Variants in CORO2A observed in about 807,000 individuals in gnomAD.
CORO2A encodes the protein coronin-2A.
Under a neutral mutation model 62.4 loss-of-function variants are expected in CORO2A, and 47 were observed. That is an observed-to-expected ratio of 0.75 (90% CI 0.60 to 0.96). The LOEUF (loss-of-function observed/expected upper bound fraction) is 0.96. CORO2A is among the 40% of genes least tolerant of loss of function. The probability of loss-of-function intolerance (pLI) is 0.00; values close to 1 mark genes in which losing one functional copy is unlikely to be tolerated. For missense variants in CORO2A, 610 were observed against 684.1 expected (o/e 0.89, Z 1.21); for synonymous variants, 273 against 268.9 (o/e 1.02, Z -0.15).
At chr9:98,126,114 C>T (rs565704592) in intron 11 of CORO2A, among the ~76,000 whole-genome samples, 5 of 150,008 alleles carry the variant, frequency 3.3e-5, no homozygotes, top group South Asian at 2.1e-4. Context: ...TGGCTCACTG[C>T]AACCTCCACC....
chr9:98,128,530 G>A, intron 9 of CORO2A, 77 bp downstream of exon 9: 1 of 1,322,810 alleles, frequency 7.6e-7, no homozygotes, highest in South Asian at 1.2e-5. Context: ...CCAGGCTCTG[G>A]TGCCCGACAG....
chr9:98,166,343 A>C (rs1041115473), intron 1 of CORO2A, among the ~76,000 whole-genome samples: 1 of 152,222 alleles, frequency 6.6e-6, no homozygotes, highest in African/African-American at 2.4e-5. Flanking sequence ...AACAGGCAAC[A>C]AAAGAAAAAA....
intron 2 of CORO2A, among the ~76,000 whole-genome samples, chr9:98,153,649 AACACACACAC>A (rs55685018): frequency 3.1e-4 from 42 of 133,970 alleles, no homozygotes; most frequent in East Asian, 1.3e-3. Context: ...TCTGTTTCCA[AACACACACAC>A]ACACACACAC....
chr9:98,132,118 A>G lies in CORO2A; in HGVS notation c.765+67T>C. ...CATAAATGGGTGTCTAAATGAATGCATGCATGAATGAATGACACTGGCTCT... is the reference window on the plus strand; with the variant it reads ...CATAAATGGGTGTCTAAATGAATGCGTGCATGAATGAATGACACTGGCTCT... On this transcript the variant is annotated intron_variant, in intron 6 of 11. Coordinates refer to ENST00000375077, the MANE Select transcript of CORO2A (RefSeq NM_052820.4). 2.6e-6 allele frequency: 3 copies of G among 1,161,428 alleles called. 1 individual carries two copies. Among genetic ancestry groups the G allele is most frequent in the Middle Eastern group, 3.9e-4 (2 of 5,176 alleles). The allele number at this position is 1,161,428 out of a possible 1,614,324, so 71.9% of individuals were successfully genotyped here. A position where few individuals can be genotyped will look rare whatever the true frequency, so the allele number is the denominator to read the frequency against.
chr9:98,124,019 T>C lies in CORO2A; in HGVS notation c.*755A>G, dbSNP rs1332602551. ...TTGGCCAGGCTGGTTTCTTTCTTTT[T>C]TTTTTTTTTTTGAGACAGACTTTTG... is the stretch of plus-strand genomic sequence containing the variant. On this transcript the variant is annotated 3_prime_UTR_variant, in exon 12 of 12. Coordinates refer to ENST00000375077, the MANE Select transcript of CORO2A (RefSeq NM_052820.4). 6.6e-6 allele frequency: 1 copy of C among 150,646 alleles called. No homozygotes were observed. The allele number at this position is 150,646 out of a possible 1,614,324, so 9.3% of individuals were successfully genotyped here. A position where few individuals can be genotyped will look rare whatever the true frequency, so the allele number is the denominator to read the frequency against.
At position 98,126,625 on chromosome 9, in the gene CORO2A, C is replaced by A. The variant is rs1375781237; in HGVS notation, c.1370G>T (p.Arg457Met). ...EKMPRWAAEH[R>M]LEEKKTWLTN... ...CAGCCAGGTTTTCTTCTCCTCCAGC[C>A]TGTGTTCTGCTGCCCACCTTGGCAT... The change falls in exon 11 of 12, where the codon AGG (arginine) becomes ATG (methionine). Residue 457 changes from arginine (R) to methionine (M), a missense_variant. By Grantham distance (91) the Arg-to-Met change is moderately conservative. Coordinates refer to ENST00000375077, the MANE Select transcript of CORO2A (RefSeq NM_052820.4). 2 of 1,614,160 alleles carry A rather than the reference C, an allele frequency of 1.2e-6. No individual in the cohort carries two copies.
At chr9:98,184,933 T>C (rs1044451021) in intron 1 of CORO2A, among the ~76,000 whole-genome samples, 1 of 152,240 alleles carries the variant, frequency 6.6e-6, no homozygotes, top group East Asian at 1.9e-4. Context: ...TTGTAGTTCA[T>C]AAAGCGCCTC....
rs1043523739 is a variant in CORO2A, at chr9:98,123,994, T to C, written c.*780A>G. 4 of 151,372 alleles carry C rather than the reference T, an allele frequency of 2.6e-5. No individual in the cohort carries two copies. Among genetic ancestry groups the C allele is most frequent in the African/African-American group, 9.7e-5 (4 of 41,060 alleles). 9.4% of individuals were successfully genotyped at this position (151,372 alleles called of 1,614,324 possible). On this transcript the variant is annotated 3_prime_UTR_variant, in exon 12 of 12. Coordinates refer to ENST00000375077, the MANE Select transcript of CORO2A (RefSeq NM_052820.4). ...TTAGTAGAGACGGGGTTTCACCATG[T>C]TGGCCAGGCTGGTTTCTTTCTTTTT...
At chr9:98,149,448 A>G (rs774122) in intron 2 of CORO2A, among the ~76,000 whole-genome samples, 115,837 of 152,126 alleles carry the variant, frequency 0.76, 44,327 homozygotes, top group African/African-American at 0.82. Flanking sequence ...TGTGAGGCTG[A>G]GTATTTACAA....
At position 98,133,196 on chromosome 9, in the gene CORO2A, T is replaced by C. The variant is rs1423961237; in HGVS notation, c.490A>G (p.Thr164Ala). Residue 164 changes from threonine to alanine, a missense_variant, in exon 5 of 12, where the codon ACA (threonine) becomes GCA (alanine). Transcript: ENST00000375077. ...DYKVMIWNLD[T>A]KESVITSPMS... The stretch of plus-strand genomic sequence containing the variant: ...GGGCTTGTGATGACAGACTCCTTTG[T>C]ATCCAGGTTCCAGATCATCACCTGC... 6.2e-7 allele frequency: 1 copy of C among 1,614,264 alleles called. No individual in the cohort carries two copies. Among genetic ancestry groups the C allele is most frequent in the Non-Finnish European group, 8.5e-7 (1 of 1,180,042 alleles).
rs1241152124 is a variant in CORO2A, at chr9:98,172,907, G to T, written c.1-15247C>A. Reference sequence around the variant, plus strand: ...GTGCCCCTGTGGGAAAGGCACTTCTGCCCGCAAGACTGGCTGTGAGGACAG... The same window carrying T: ...GTGCCCCTGTGGGAAAGGCACTTCTTCCCGCAAGACTGGCTGTGAGGACAG... On this transcript the variant is annotated intron_variant, in intron 1 of 11. Transcript: ENST00000375077. 5.2e-5 allele frequency: 8 copies of T among 152,394 alleles called. 1 individual carries two copies. In the East Asian group the frequency reaches 1.5e-3, roughly 29 times the overall value. 9.4% of individuals were successfully genotyped at this position (152,394 alleles called of 1,614,324 possible).
chr9:98,170,349 C>T (rs188121525), intron 1 of CORO2A, among the ~76,000 whole-genome samples: 3 of 152,364 alleles, frequency 2.0e-5, no homozygotes, highest in East Asian at 3.9e-4. Context: ...GCAGCTTCTT[C>T]TGAACCCCTC....
At chr9:98,170,876 GTGC>G (rs1213295247) in intron 1 of CORO2A, among the ~76,000 whole-genome samples, 5 of 152,182 alleles carry the variant, frequency 3.3e-5, no homozygotes, top group African/African-American at 1.2e-4. Flanking sequence ...TCTGTGGAGG[GTGC>G]TGCAGCTTGC....
intron 3 of CORO2A, among the ~76,000 whole-genome samples, chr9:98,135,565 G>A (rs1036008093): frequency 5.9e-5 from 9 of 152,142 alleles, no homozygotes; most frequent in Admixed American, 2.0e-4. Flanking sequence ...TCCTTCCAGA[G>A]TAGTGTTGTC....
intron 2 of CORO2A, among the ~76,000 whole-genome samples, chr9:98,141,916 G>A (rs1440101921): frequency 6.6e-6 from 1 of 151,474 alleles, no homozygotes; most frequent in Non-Finnish European, 1.5e-5. Flanking sequence ...GTATATGTAT[G>A]TATATTTGTA....
chr9:98,159,035 C>T (rs1827846276), intron 1 of CORO2A, among the ~76,000 whole-genome samples: 1 of 150,550 alleles, frequency 6.6e-6, no homozygotes, highest in South Asian at 2.1e-4. Context: ...GCCCTCACCA[C>T]CCCACCCCCA....
chr9:98,172,015 AT>A (rs141540095), intron 1 of CORO2A, among the ~76,000 whole-genome samples: 8,519 of 152,092 alleles, frequency 0.056, 343 homozygotes, highest in South Asian at 0.083. Flanking sequence ...AGTGGGTTTC[AT>A]TTCATGTCCA....
At chr9:98,179,636 TG>T (rs1828151441) in intron 1 of CORO2A, among the ~76,000 whole-genome samples, 1 of 151,950 alleles carries the variant, frequency 6.6e-6, no homozygotes, top group Non-Finnish European at 1.5e-5. Context: ...GAAGGGGAAG[TG>T]GCAGGGATGA....
At chr9:98,153,947 A>G (rs1827764863) in intron 2 of CORO2A, among the ~76,000 whole-genome samples, 1 of 152,028 alleles carries the variant, frequency 6.6e-6, no homozygotes, top group Admixed American at 6.6e-5. Flanking sequence ...TTCTCCATCT[A>G]TGGACATGAT....
Sources: gnomAD v4.1 joint callset for allele counts (sites outside exome capture counted in the v4.1 genomes callset) on GRCh38, gnomAD v4.1.1 for gene constraint, MANE v1.5 for transcripts, NCBI Gene and HGNC (gene_info 2026-07-23, HGNC 2026-07-21) for gene names.